Variants in IL16 observed in about 807,000 individuals in gnomAD.
The protein encoded by IL16 is pro-interleukin-16.
IL16 carries 67 observed loss-of-function variants against 110.1 expected under a neutral mutation model. The ratio of observed to expected loss-of-function variants is 0.61; its 90% CI spans 0.50 to 0.75. The LOEUF (loss-of-function observed/expected upper bound fraction) is 0.75. Ranked by LOEUF, IL16 falls within the 30% of genes least tolerant of loss-of-function variation. The pLI is 0.00. For synonymous variants in IL16, 689 were observed against 662.9 expected (o/e 1.04, Z -0.61); for missense variants, 1,545 against 1,655.0 (o/e 0.93, Z 1.15).
At chr15:81,194,948 C>T (rs1352252141), upstream of IL16, among the ~76,000 whole-genome samples, 1 of 152,172 alleles carries the variant, frequency 6.6e-6, no homozygotes, top group Non-Finnish European at 1.5e-5. Context: ...GGGGCTCTCT[C>T]ACCTGCGTCT....
chr15:81,292,526 T>G (rs1309477534), intron 11 of IL16, 30 bp from the exon 12 acceptor site: 2 of 1,611,946 alleles, frequency 1.2e-6, no homozygotes, highest in Non-Finnish European at 1.7e-6. Flanking sequence ...GAAGCTCAGC[T>G]GTGAAGATTC....
Position 81,259,803 on chromosome 15 carries a change from C to T in IL16, c.344C>T (p.Pro115Leu). 6.2e-7 allele frequency: 1 copy of T among 1,613,812 alleles called. No individual in the cohort carries two copies. Among genetic ancestry groups the T allele is most frequent in the Non-Finnish European group, 8.5e-7 (1 of 1,179,770 alleles). ...ESSTASSREK[P>L]GKLEAQSSNF... ...TCCACAGCTTCCTCTCGAGAAAAGC[C>T]TGGAAAACTAGAAGCACAAAGTAGT... Residue 115 changes from proline (P) to leucine (L), a missense_variant, in exon 3 of 19, where the codon CCT becomes CTT. By Grantham distance (98) the Pro-to-Leu change is moderately conservative (BLOSUM62 -3). This residue lies in a region of IL16 where 1,185 missense variants were observed against 1,238.8 expected (regional missense o/e 0.96). Coordinates refer to ENST00000683961, the MANE Select transcript of IL16 (RefSeq NM_172217.5).
intron 1 of IL16, among the ~76,000 whole-genome samples, chr15:81,216,954 G>A (rs759795904): frequency 5.9e-5 from 9 of 152,014 alleles, no homozygotes; most frequent in African/African-American, 1.2e-4. Flanking sequence ...ATGTAACCAC[G>A]ACATGATATG....
chr15:81,190,502 G>T (rs959079044), intron 1 of IL16, among the ~76,000 whole-genome samples: 3 of 152,204 alleles, frequency 2.0e-5, no homozygotes, highest in Non-Finnish European at 2.9e-5. Context: ...TTTGGGCTTT[G>T]AGTTGTTTTA....
chr15:81,273,211 T>A lies in IL16; in HGVS notation c.790+7T>A, dbSNP rs537104416. 1 of 1,590,424 alleles carries A rather than the reference T, an allele frequency of 6.3e-7. No homozygotes were observed. Among genetic ancestry groups the A allele is most frequent in the African/African-American group, 1.3e-5 (1 of 74,370 alleles). On this transcript the variant is annotated splice_region_variant and intron_variant, in intron 6 of 18. Transcript: ENST00000683961. ...GATGGAAGGCTACAGGAAGGTAGGC[T>A]TCCCAGCCCTTTTCAGACCATGGTG...
rs1900975928 is a variant in IL16, at chr15:81,313,458, G to A, written c.*4660G>A. 6 of 1,440,554 alleles carry A rather than the reference G, an allele frequency of 4.2e-6. No individual in the cohort carries two copies. The highest frequency in any genetic ancestry group is 4.6e-6 in the Non-Finnish European group (5 of 1,090,138). 89.2% of individuals were successfully genotyped at this position (1,440,554 alleles called of 1,614,324 possible). ...GATCTGCAGCAGAGGTGCTGGGGAC[G>A]AGCGCCAGGCAGGTGAGCAGAGCCC... On this transcript the variant is annotated 3_prime_UTR_variant, in exon 19 of 19. Coordinates refer to ENST00000683961, the MANE Select transcript of IL16 (RefSeq NM_172217.5).
Position 81,265,743 on chromosome 15 carries a change from T to C in IL16, c.506T>C (p.Leu169Pro). Residue 169 changes from leucine (L) to proline (P), a missense_variant, in exon 4 of 19, where the codon CTC becomes CCC. Transcript: ENST00000683961. ...AAPTDRQPYSLCSNRKSLSQQ... is the reference protein window; with the variant it reads ...AAPTDRQPYSPCSNRKSLSQQ... ...CCCACGGACAGGCAGCCTTACTCTC[T>C]CTGCAGTAACAGGAAGTCCCTCTCT... 1.9e-6 allele frequency: 3 copies of C among 1,613,904 alleles called. No homozygotes were observed. The highest frequency in any genetic ancestry group is 2.2e-5 in the East Asian group (1 of 44,870).
intron 2 of IL16, among the ~76,000 whole-genome samples, chr15:81,254,310 A>C (rs1246121232): frequency 6.6e-6 from 1 of 152,056 alleles, no homozygotes; most frequent in Non-Finnish European, 1.5e-5. Context: ...GGAGAAGTTT[A>C]GGCTTTGGAA....
intron 15 of IL16, 31 bp downstream of exon 15, chr15:81,301,543 C>G: frequency 6.3e-7 from 1 of 1,597,460 alleles, no homozygotes; most frequent in Non-Finnish European, 8.5e-7. Context: ...TCTGCAGTAA[C>G]CAATGGCTTA....
At chr15:81,186,596 T>G (rs1204354356) in intron 1 of IL16, among the ~76,000 whole-genome samples, 2 of 152,364 alleles carry the variant, frequency 1.3e-5, no homozygotes, top group African/African-American at 4.8e-5. Context: ...AGTAATTTAT[T>G]TAACCATTCC....
chr15:81,256,128 G>T (rs1487746020), intron 2 of IL16, among the ~76,000 whole-genome samples: 1 of 152,112 alleles, frequency 6.6e-6, no homozygotes, highest in Non-Finnish European at 1.5e-5. Context: ...TCAGTACTTG[G>T]AACAGTGCCT....
chr15:81,202,445 A>G (rs1220875406), intron 1 of IL16, among the ~76,000 whole-genome samples: 1 of 152,062 alleles, frequency 6.6e-6, no homozygotes, highest in African/African-American at 2.4e-5. Context: ...GAAAATTTGG[A>G]AGGCATATCT....
At chr15:81,301,660 T>A (rs1401489190) in intron 15 of IL16, 148 bp downstream of exon 15, 4 of 635,762 alleles carry the variant, frequency 6.3e-6, no homozygotes, top group Non-Finnish European at 1.1e-5. Context: ...CTGTAGCACT[T>A]GACCACAGTA....
chr15:81,250,099 G>C (rs550646318), intron 2 of IL16, among the ~76,000 whole-genome samples: 1 of 152,104 alleles, frequency 6.6e-6, no homozygotes, highest in South Asian at 2.1e-4. Context: ...TTCTGTGTCT[G>C]CTCACTCCAT....
chr15:81,291,349 T>G (rs1011282903), intron 11 of IL16, among the ~76,000 whole-genome samples: 2 of 152,216 alleles, frequency 1.3e-5, no homozygotes, highest in Non-Finnish European at 2.9e-5. Flanking sequence ...AGTAGTTATT[T>G]CTGGCTGATA....
chr15:81,261,996 G>T (rs1434420042), intron 3 of IL16, among the ~76,000 whole-genome samples: 3 of 152,142 alleles, frequency 2.0e-5, no homozygotes, highest in Non-Finnish European at 2.9e-5. Flanking sequence ...AGCCTGGGAG[G>T]TTGAGGCTGC....
intron 12 of IL16, among the ~76,000 whole-genome samples, chr15:81,294,501 T>C (rs1250404743): frequency 6.6e-6 from 1 of 152,140 alleles, no homozygotes; most frequent in Non-Finnish European, 1.5e-5. Flanking sequence ...GAGTAAGGCG[T>C]CTGGAGAAGG....
intron 9 of IL16, 105 bp downstream of exon 9, chr15:81,282,861 T>C: frequency 1.0e-6 from 1 of 971,868 alleles, no homozygotes; most frequent in Non-Finnish European, 1.6e-6. Context: ...TAAAGAATGA[T>C]CTTGTGGTGG....
intron 2 of IL16, among the ~76,000 whole-genome samples, chr15:81,247,603 T>A (rs577474696): frequency 6.6e-6 from 1 of 152,306 alleles, no homozygotes; most frequent in Admixed American, 6.5e-5. Context: ...CCCTCTTACA[T>A]AACTATAGTA....
Sources: gnomAD v4.1 joint callset for allele counts (sites outside exome capture counted in the v4.1 genomes callset) on GRCh38, gnomAD v4.1.1 for gene constraint, gnomAD v4.1.1 regional missense constraint, MANE v1.5 for transcripts, NCBI Gene and HGNC (gene_info 2026-07-23, HGNC 2026-07-21) for gene names.